Variants in FBN2 observed in about 807,000 individuals in gnomAD.
FBN2 encodes the protein fibrillin-2.
Under a neutral mutation model 355.6 loss-of-function variants are expected in FBN2, and 105 were observed. That is an observed-to-expected ratio of 0.30 (90% CI 0.25 to 0.35). FBN2 has a LOEUF of 0.35. Ranked by LOEUF, FBN2 falls within the 10% of genes least tolerant of loss-of-function variation. The probability of loss-of-function intolerance (pLI) is 1.00; values close to 1 mark genes in which losing one functional copy is unlikely to be tolerated. For missense variants in FBN2, 3,280 were observed against 3,758.7 expected, an observed-to-expected ratio of 0.87 and a Z score of 3.33; for synonymous variants, 1,350 against 1,301.2, an observed-to-expected ratio of 1.04 and a Z score of -0.81.
At chr5:128,531,848 TA>T (rs1756717590) in intron 2 of FBN2, among the ~76,000 whole-genome samples, 1 of 151,868 alleles carries the variant, frequency 6.6e-6, no homozygotes, top group Non-Finnish European at 1.5e-5. Context: ...ACTTTTTTAA[TA>T]AACAGTTAAA....
At chr5:128,337,590 T>C (rs1750877680) in intron 27 of FBN2, among the ~76,000 whole-genome samples, 1 of 152,248 alleles carries the variant, frequency 6.6e-6, no homozygotes. Context: ...GAGCGCCATG[T>C]TCACACATGT....
intron 5 of FBN2, among the ~76,000 whole-genome samples, chr5:128,513,116 T>C (rs564597155): frequency 1.3e-5 from 2 of 152,214 alleles, no homozygotes; most frequent in Non-Finnish European, 2.9e-5. Context: ...CTATTGTGTG[T>C]CAGGTGCTTA....
intron 25 of FBN2, 33 bp from the exon 26 acceptor site, chr5:128,339,094 T>C (rs1310690812): frequency 6.2e-7 from 1 of 1,611,192 alleles, no homozygotes; most frequent in Non-Finnish European, 8.5e-7. Context: ...AATTTAAAAA[T>C]TGAATGAGAT....
chr5:128,398,555 G>A (rs549539586), intron 8 of FBN2, among the ~76,000 whole-genome samples: 3 of 152,036 alleles, frequency 2.0e-5, no homozygotes, highest in Non-Finnish European at 4.4e-5. Flanking sequence ...TATTGCACAT[G>A]GATAAAGAAA....
chr5:128,313,087 C>T (rs1033113300), intron 36 of FBN2, among the ~76,000 whole-genome samples: 10 of 152,132 alleles, frequency 6.6e-5, no homozygotes, highest in Non-Finnish European at 1.3e-4. Flanking sequence ...CATACTGGAC[C>T]TCCAATAATA....
rs377604185 is a variant in FBN2, at chr5:128,436,920, A to G, written c.952+9561T>C. Among the ~76,000 whole-genome samples the G allele has an allele frequency of 4.6e-5, 7 of 152,166 alleles. No individual in the cohort carries two copies. In the East Asian group the frequency reaches 1.2e-3, roughly 25 times the overall value. ...AGATCACTCACCCTAACTGCGGGGAATATCAAGCTCTTTGTTCTTCAATCA... is the reference window on the plus strand; with the variant it reads ...AGATCACTCACCCTAACTGCGGGGAGTATCAAGCTCTTTGTTCTTCAATCA... On this transcript the variant is annotated intron_variant, in intron 7 of 64. Coordinates refer to ENST00000262464, the MANE Select transcript of FBN2 (RefSeq NM_001999.4).
Position 128,278,676 on chromosome 5 carries a change from T to G in FBN2, c.7304A>C (p.Lys2435Thr), listed in dbSNP as rs779216862. 3.1e-6 allele frequency: 5 copies of G among 1,614,172 alleles called. No homozygotes were observed. Among genetic ancestry groups the G allele is most frequent in the Non-Finnish European group, 4.2e-6 (5 of 1,180,014 alleles). Residue 2435 changes from lysine to threonine, a missense_variant, in exon 57 of 65, where the codon AAG becomes ACG. Physicochemically the swap from Lys to Thr is moderately conservative, Grantham distance 78. Transcript: ENST00000262464. ...CPLPGTAQYKKICPHGPGYTT... is the reference protein window; with the variant it reads ...CPLPGTAQYKTICPHGPGYTT... Reference sequence around the variant, plus strand: ...ATATCCTGGGCCATGAGGACATATCTTTTTGTACTGGGCAGTTCCAGGAAG... The same window carrying G: ...ATATCCTGGGCCATGAGGACATATCGTTTTGTACTGGGCAGTTCCAGGAAG...
At chr5:128,455,990 C>CTAAA (rs1754375804) in intron 6 of FBN2, among the ~76,000 whole-genome samples, 1 of 25,272 alleles carries the variant, frequency 4.0e-5, no homozygotes, top group Non-Finnish European at 7.9e-5. Flanking sequence ...GGGTTAGCAA[C>CTAAA]AAAAAAAAAA....
chr5:128,376,320 C>T (rs979919523), intron 14 of FBN2, among the ~76,000 whole-genome samples: 40 of 152,086 alleles, frequency 2.6e-4, no homozygotes, highest in African/African-American at 9.2e-4. Flanking sequence ...TGTATATTAG[C>T]TTTATGGAAA....
At chr5:128,429,416 A>G (rs1753563630) in intron 7 of FBN2, among the ~76,000 whole-genome samples, 1 of 152,220 alleles carries the variant, frequency 6.6e-6, no homozygotes, top group Non-Finnish European at 1.5e-5. Context: ...TCGGAAATGA[A>G]ATTTTAATTA....
chr5:128,275,847 T>C (rs532431105), intron 59 of FBN2, among the ~76,000 whole-genome samples, 191 bp downstream of exon 59: 9 of 152,336 alleles, frequency 5.9e-5, no homozygotes, highest in Non-Finnish European at 1.3e-4. Flanking sequence ...TGTTTTAACT[T>C]GGGTTTTAAT....
Position 128,364,695 on chromosome 5 carries a change from A to G in FBN2, c.2333T>C (p.Ile778Thr), listed in dbSNP as rs1276822383. 5.0e-6 allele frequency: 8 copies of G among 1,613,064 alleles called. No individual in the cohort carries two copies. Among genetic ancestry groups the G allele is most frequent in the Admixed American group, 1.7e-5 (1 of 60,010 alleles). Residue 778 changes from isoleucine (I) to threonine (T), a missense_variant, in exon 18 of 65, where the codon ATA (isoleucine) becomes ACA (threonine). By Grantham distance (89) the Ile-to-Thr change is moderately conservative (BLOSUM62 -1). Transcript: ENST00000262464. ...DINECALDPD[I>T]CANGICENLR... is the part of the protein sequence containing the mutation. Reference sequence around the variant, plus strand: ...GTTTTCACAAATCCCATTGGCACATATATCAGGATCCAAAGCACATTCATT... The same window carrying G: ...GTTTTCACAAATCCCATTGGCACATGTATCAGGATCCAAAGCACATTCATT...
At chr5:128,488,287 G>A (rs1292838773) in intron 5 of FBN2, among the ~76,000 whole-genome samples, 5 of 152,124 alleles carry the variant, frequency 3.3e-5, no homozygotes, top group African/African-American at 1.2e-4. Context: ...AAGGCTTGCT[G>A]TGCTAGCAGT....
chr5:128,286,722 A>G lies in FBN2; in HGVS notation c.7008T>C (p.Cys2336=). The G allele has an allele frequency of 6.2e-7, 1 of 1,614,070 alleles. No homozygotes were observed. Residue 2336 remains cysteine (C), a synonymous_variant, in exon 55 of 65, where the codon TGT becomes TGC. Coordinates refer to ENST00000262464, the MANE Select transcript of FBN2 (RefSeq NM_001999.4). ...ACACCTTCCCTTACCGCTTACCTAC[A>G]CAGCCTTCTCCATCGGGCCTTCGGG... is the stretch of plus-strand genomic sequence containing the variant. ...GMARRPDGEG[C]VDENECRTKP...
In FBN2 at chr5:128,374,646, C is replaced by G; in HGVS notation, c.2077G>C (p.Asp693His). Residue 693 changes from aspartate (D) to histidine (H), a missense_variant, in exon 15 of 65, where the codon GAT becomes CAT. Physicochemically the swap from Asp to His is moderately conservative, Grantham distance 81. This residue lies in a region of FBN2 where 2,284 missense variants were observed against 2,749.5 expected (regional missense o/e 0.83). Coordinates refer to ENST00000262464, the MANE Select transcript of FBN2 (RefSeq NM_001999.4). ...DCPPGLAVGMDGRVCVDTHMR... is the reference protein window; with the variant it reads ...DCPPGLAVGMHGRVCVDTHMR... ...CACTTACCAACACACACACGTCCATCCATGCCCACAGCCAGGCCTGGGGGA... is the reference window on the plus strand; with the variant it reads ...CACTTACCAACACACACACGTCCATGCATGCCCACAGCCAGGCCTGGGGGA... 2 of 1,613,978 alleles carry G rather than the reference C, an allele frequency of 1.2e-6. No individual in the cohort carries two copies. The highest frequency in any genetic ancestry group is 1.7e-6 in the Non-Finnish European group (2 of 1,179,922).
intron 48 of FBN2, among the ~76,000 whole-genome samples, chr5:128,293,784 T>G (rs1316402835): frequency 1.3e-5 from 2 of 152,060 alleles, no homozygotes; most frequent in African/African-American, 4.8e-5. Flanking sequence ...AGATTGAGCA[T>G]GAGCAAAGAA....
At chr5:128,426,548 T>G (rs895702409) in intron 7 of FBN2, among the ~76,000 whole-genome samples, 3 of 152,208 alleles carry the variant, frequency 2.0e-5, no homozygotes, top group African/African-American at 7.2e-5. Context: ...GACCAGTTCT[T>G]TCTTGACCCT....
intron 7 of FBN2, among the ~76,000 whole-genome samples, chr5:128,435,028 A>T (rs1045044229): frequency 4.6e-5 from 7 of 152,238 alleles, no homozygotes; most frequent in South Asian, 2.1e-4. Flanking sequence ...TCATAATTTT[A>T]AAAAAAGAAT....
rs1478434703 is a variant in FBN2, at chr5:128,393,256, G to A, written c.1344C>T (p.Gly448=). The stretch of plus-strand genomic sequence containing the variant: ...CTGTCCCTCCTGGGCCATAGCCATT[G>A]CCATTGCCACTTGGGGCAAAGCCAT... The part of the protein sequence containing the change: ...GGNGFAPSGN[G]NGYGPGGTGF... Residue 448 remains glycine, a synonymous_variant, in exon 10 of 65, where the codon GGC becomes GGT. Coordinates refer to ENST00000262464, the MANE Select transcript of FBN2 (RefSeq NM_001999.4). 6.2e-7 allele frequency: 1 copy of A among 1,614,122 alleles called. No individual in the cohort carries two copies. The highest frequency in any genetic ancestry group is 1.7e-5 in the Admixed American group (1 of 60,028).
Sources: gnomAD v4.1 joint callset for allele counts (sites outside exome capture counted in the v4.1 genomes callset) on GRCh38, gnomAD v4.1.1 for gene constraint, gnomAD v4.1.1 regional missense constraint, MANE v1.5 for transcripts, NCBI Gene and HGNC (gene_info 2026-07-23, HGNC 2026-07-21) for gene names.